Variants in EFHC1 observed in about 807,000 individuals in gnomAD.
EFHC1 encodes the protein EF-hand domain containing 1.
In EFHC1, 53 loss-of-function variants were observed where a neutral mutation model predicts 69.9. That is an observed-to-expected ratio of 0.76 (90% CI 0.61 to 0.95). The LOEUF (loss-of-function observed/expected upper bound fraction) is 0.95, where lower values mean the gene tolerates loss of function less well. EFHC1 is among the 40% of genes least tolerant of loss of function. The probability of loss-of-function intolerance (pLI) is 0.00; values close to 1 mark genes in which losing one functional copy is unlikely to be tolerated. For missense variants in EFHC1, 739 were observed against 798.7 expected (o/e 0.93, Z 0.90); for synonymous variants, 256 against 278.4 (o/e 0.92, Z 0.80).
intron 3 of EFHC1, among the ~76,000 whole-genome samples, chr6:52,446,913 T>A (rs1159958831): frequency 6.6e-6 from 1 of 152,162 alleles, no homozygotes. Flanking sequence ...GCTTGTAGAG[T>A]TTCTGCCGAG....
intron 7 of EFHC1, among the ~76,000 whole-genome samples, chr6:52,477,158 G>A (rs1165757424): frequency 6.6e-6 from 1 of 150,470 alleles, no homozygotes; most frequent in Non-Finnish European, 1.5e-5. Flanking sequence ...TTTATTCTAA[G>A]TGTGCTAGAA....
At position 52,460,600 on chromosome 6, in the gene EFHC1, G is replaced by A. The variant is rs147252305; in HGVS notation, c.917-4295G>A. 3.2e-3 allele frequency among the ~76,000 whole-genome samples: 494 copies of A among 152,174 alleles called. 2 individuals carry two copies. Among genetic ancestry groups the A allele is most frequent in the African/African-American group, 0.012 (481 of 41,522 alleles). ...AGTCAAATGTAAGAACACTAGATTC[G>A]AAAAGATCATGAAAGCAGCTCCAAA... is the stretch of plus-strand genomic sequence containing the variant. On this transcript the variant is annotated intron_variant, in intron 5 of 10. Transcript: ENST00000371068.
intron 9 of EFHC1, chr6:52,481,474 T>A (rs1174425999): frequency 1.3e-5 from 2 of 151,766 alleles, no homozygotes; most frequent in East Asian, 1.9e-4. Context: ...TGTTGGCATA[T>A]AGTGATATTT....
chr6:52,460,491 A>C (rs956831803), intron 5 of EFHC1, among the ~76,000 whole-genome samples: 1 of 152,234 alleles, frequency 6.6e-6, no homozygotes, highest in African/African-American at 2.4e-5. Context: ...TCAAAATTGT[A>C]TACTCCAAAA....
In EFHC1 at chr6:52,424,178, G is replaced by C; in HGVS notation, c.285+11G>C. On this transcript the variant is annotated intron_variant, in intron 2 of 10. Transcript: ENST00000371068. ...GCCTTTGACAAAAAGGTATCATCTG[G>C]AATTTTAGGGTACCCCTTGAATTAG... The C allele has an allele frequency of 1.9e-6, 3 of 1,612,392 alleles. No homozygotes were observed. In the Middle Eastern group the frequency reaches 5.2e-4, roughly 278 times the overall value.
chr6:52,453,765 A>G (rs1345491366), intron 4 of EFHC1: 1 of 1,258,548 alleles, frequency 7.9e-7, no homozygotes, highest in Non-Finnish European at 1.0e-6. Flanking sequence ...TTATTAATAT[A>G]TATATACCAC....
chr6:52,472,654 A>G (rs185369161), intron 7 of EFHC1, among the ~76,000 whole-genome samples: 3 of 122,920 alleles, frequency 2.4e-5, no homozygotes, highest in South Asian at 5.2e-4. Context: ...GAGATATGTA[A>G]TATCTTTTAC....
At position 52,462,234 on chromosome 6, in the gene EFHC1, T is replaced by A. The variant is rs367649740; in HGVS notation, c.917-2661T>A. Among the ~76,000 whole-genome samples, 17 of 151,798 alleles carry A rather than the reference T, an allele frequency of 1.1e-4. 1 individual carries two copies. The East Asian group carries it at 1.3e-3, about 12-fold the overall frequency. On this transcript the variant is annotated intron_variant, in intron 5 of 10. Transcript: ENST00000371068. The stretch of plus-strand genomic sequence containing the variant: ...ACCCATGAGTTAAAAAAAAATATTG[T>A]CAGAAAATACCTAGAACTGAATGGT...
At chr6:52,453,824 C>A in intron 4 of EFHC1, 2 of 1,310,614 alleles carry the variant, frequency 1.5e-6, no homozygotes, top group Non-Finnish European at 2.0e-6. Flanking sequence ...CTTTCACTGA[C>A]TAATATTTTG....
At chr6:52,461,770 A>T (rs941313380) in intron 5 of EFHC1, among the ~76,000 whole-genome samples, 24 of 152,218 alleles carry the variant, frequency 1.6e-4, no homozygotes, top group Non-Finnish European at 3.2e-4. Flanking sequence ...AAAGAAACTG[A>T]TGAGGTATAA....
intron 6 of EFHC1, among the ~76,000 whole-genome samples, chr6:52,465,999 A>G (rs1765299319): frequency 6.6e-6 from 1 of 151,610 alleles, no homozygotes; most frequent in African/African-American, 2.4e-5. Flanking sequence ...ATACTTTGGG[A>G]ACTCTAAAAA....
At position 52,447,123 on chromosome 6, in the gene EFHC1, G is replaced by C. The variant is rs572830103; in HGVS notation, c.574-5565G>C. On this transcript the variant is annotated intron_variant, in intron 3 of 10. Transcript: ENST00000371068. ...AATGTTAGCCTGCCTCACTAGTTTG[G>C]GGAAGTTCTCTTGGATAATATCCTG... is the stretch of plus-strand genomic sequence containing the variant. Among the ~76,000 whole-genome samples, 58 of 152,242 alleles carry C rather than the reference G, an allele frequency of 3.8e-4. No individual in the cohort carries two copies. The South Asian group carries it at 7.7e-3, about 20-fold the overall frequency.
intron 3 of EFHC1, among the ~76,000 whole-genome samples, chr6:52,445,065 GTTTTTT>G (rs60349597): frequency 7.1e-6 from 1 of 139,972 alleles, no homozygotes; most frequent in East Asian, 2.0e-4. Context: ...AGATTTTCCA[GTTTTTT>G]TTTTTTTTGG....
intron 9 of EFHC1, chr6:52,482,609 G>A: frequency 2.6e-6 from 1 of 388,656 alleles, no homozygotes; most frequent in Non-Finnish European, 4.5e-6. Context: ...GTTTAAGATT[G>A]GATCAACTTC....
In EFHC1 at chr6:52,424,155, C is replaced by T. The variant is rs1165755505; in HGVS notation, c.273C>T (p.Ala91=). ...CGGATTTTATTCCTGCGCATGTGGC[C>T]TTTGACAAAAAGGTATCATCTGGAA... is the stretch of plus-strand genomic sequence containing the variant. ...PPADFIPAHV[A]FDKKVLKFDA... Residue 91 remains alanine (A), a synonymous_variant, in exon 2 of 11, where the codon GCC becomes GCT. Coordinates refer to ENST00000371068, the MANE Select transcript of EFHC1 (RefSeq NM_018100.4). 2 of 1,613,730 alleles carry T rather than the reference C, an allele frequency of 1.2e-6. No homozygotes were observed. The highest frequency in any genetic ancestry group is 1.7e-6 in the Non-Finnish European group (2 of 1,179,856).
Position 52,454,287 on chromosome 6 carries a change from A to G in EFHC1, c.916A>G (p.Lys306Glu), listed in dbSNP as rs201263733. Residue 306 changes from lysine (K) to glutamate (E), a missense_variant and splice_region_variant, in exon 5 of 11, where the codon AAG becomes GAG. Physicochemically the swap from Lys to Glu is moderately conservative, Grantham distance 56. Transcript: ENST00000371068. ...GCCCAAAGTTTTGGTGGAAAATGCA[A>G]GTATGTTTGATTCAGTTTATTCTCT... Reference protein sequence around the residue: ...RVPKVLVENAKNFPQCVLEIS... With the variant: ...RVPKVLVENAENFPQCVLEIS... 1.1e-5 allele frequency: 17 copies of G among 1,614,088 alleles called. No individual in the cohort carries two copies. The East Asian group carries it at 2.7e-4, about 25-fold the overall frequency.
chr6:52,476,813 G>A (rs1765554580), intron 7 of EFHC1, among the ~76,000 whole-genome samples: 1 of 152,098 alleles, frequency 6.6e-6, no homozygotes, highest in African/African-American at 2.4e-5. Context: ...ATGCAATGTG[G>A]GATCCTGGAT....
In EFHC1 at chr6:52,492,479, G is replaced by A. The variant is rs1421689057; in HGVS notation, c.*138G>A. On this transcript the variant is annotated 3_prime_UTR_variant, in exon 11 of 11. Transcript: ENST00000371068. Reference sequence around the variant, plus strand: ...TGGTTCTTCTTTCACTCCTACTGAAGTCGAAACTAAATTGGATCTAATAGG... The same window carrying A: ...TGGTTCTTCTTTCACTCCTACTGAAATCGAAACTAAATTGGATCTAATAGG... 1.2e-6 allele frequency: 1 copy of A among 856,396 alleles called. No individual in the cohort carries two copies. Among genetic ancestry groups the A allele is most frequent in the Non-Finnish European group, 1.9e-6 (1 of 525,888 alleles). The allele number at this position is 856,396 out of a possible 1,614,324, so 53.0% of individuals were successfully genotyped here.
At chr6:52,437,905 G>A (rs1395499727) in intron 2 of EFHC1, among the ~76,000 whole-genome samples, 1 of 152,140 alleles carries the variant, frequency 6.6e-6, no homozygotes, top group Admixed American at 6.5e-5. Context: ...TTTAGTCTGT[G>A]TATCTCTGTC....
Sources: allele counts gnomAD v4.1 joint callset (sites outside exome capture counted in the v4.1 genomes callset), GRCh38; gene constraint gnomAD v4.1.1; transcripts MANE v1.5; gene names NCBI Gene and HGNC (gene_info 2026-07-23, HGNC 2026-07-21).